CPNE3: variants seen among roughly 807,000 people sequenced by gnomAD.
CPNE3 encodes copine 3.
CPNE3 carries 68 observed loss-of-function variants against 63.9 expected under a neutral mutation model. The ratio of observed to expected loss-of-function variants is 1.06; its 90% CI spans 0.87 to 1.30. The LOEUF is 1.30. Ranked by LOEUF, CPNE3 falls within the 50% of genes most tolerant of loss-of-function variation. The pLI is 0.00. For missense variants in CPNE3, 665 were observed against 578.1 expected (o/e 1.15, Z -1.54); for synonymous variants, 219 against 197.5 (o/e 1.11, Z -0.91).
intron 4 of CPNE3, among the ~76,000 whole-genome samples, chr8:86,530,947 C>T (rs1173666871): frequency 6.6e-6 from 1 of 151,530 alleles, no homozygotes; most frequent in Non-Finnish European, 1.5e-5. Flanking sequence ...CCGCCTCAGC[C>T]TCCCAAAGTG....
At chr8:86,532,473 A>G in intron 5 of CPNE3, 36 bp from the exon 6 acceptor site, 1 of 1,540,820 alleles carries the variant, frequency 6.5e-7, no homozygotes, top group Non-Finnish European at 8.9e-7. Context: ...GAATTCCTAA[A>G]ACATATTTTC....
rs1290425110 is a variant in CPNE3 at position 86,558,553 on chromosome 8, T to C, written c.*143T>C. 1.5e-6 allele frequency: 1 copy of C among 667,962 alleles called. No individual in the cohort carries two copies. Among genetic ancestry groups the C allele is most frequent in the South Asian group, 2.0e-5 (1 of 51,094 alleles). 41.4% of individuals were successfully genotyped at this position (667,962 alleles called of 1,614,324 possible). A position where few individuals can be genotyped will look rare whatever the true frequency, so the allele number is the denominator to read the frequency against. ...CTATGGATTATATCTGTTTAAAGCATTCTTTCTAGGTTATTTTGGGGGGAC... is the reference window on the plus strand; with the variant it reads ...CTATGGATTATATCTGTTTAAAGCACTCTTTCTAGGTTATTTTGGGGGGAC... On this transcript the variant is annotated 3_prime_UTR_variant, in exon 17 of 17. Transcript: ENST00000517490.
intron 4 of CPNE3, among the ~76,000 whole-genome samples, chr8:86,530,752 T>C (rs949276175): frequency 2.0e-5 from 3 of 150,752 alleles, no homozygotes; most frequent in Non-Finnish European, 4.4e-5. Context: ...AGTGCAACAG[T>C]GCGATCTTGG....
intron 2 of CPNE3, 56 bp from the exon 3 acceptor site, chr8:86,528,480 G>C (rs536885862): frequency 3.8e-5 from 61 of 1,593,170 alleles, no homozygotes; most frequent in Non-Finnish European, 5.0e-5. Context: ...TTAGGAATGA[G>C]TGTGCTTCTT....
chr8:86,525,990 G>T (rs1260970993), intron 2 of CPNE3, among the ~76,000 whole-genome samples: 1 of 152,116 alleles, frequency 6.6e-6, no homozygotes, highest in East Asian at 1.9e-4. Flanking sequence ...AAATTTACTT[G>T]CATTATCTCC....
rs1821402957 is a variant in CPNE3, at chr8:86,559,959, G to C, written c.*1549G>C. On this transcript the variant is annotated 3_prime_UTR_variant, in exon 17 of 17. Transcript: ENST00000517490. Reference sequence around the variant, plus strand: ...GAGCTCTCAACCACAGATAGCTGTGGCTTCTCAGAAGCAGCTCATTGCCAA... The same window carrying C: ...GAGCTCTCAACCACAGATAGCTGTGCCTTCTCAGAAGCAGCTCATTGCCAA... 2 of 152,150 alleles carry C rather than the reference G, an allele frequency of 1.3e-5. No homozygotes were observed. Among genetic ancestry groups the C allele is most frequent in the African/African-American group, 2.4e-5 (1 of 41,422 alleles). The allele number at this position is 152,150 out of a possible 1,614,324, so 9.4% of individuals were successfully genotyped here.
intron 8 of CPNE3, among the ~76,000 whole-genome samples, chr8:86,540,725 C>G (rs1219535364): frequency 6.6e-6 from 1 of 152,166 alleles, no homozygotes; most frequent in Non-Finnish European, 1.5e-5. Context: ...CGTAAGAACT[C>G]AGAGCTTGCT....
chr8:86,519,197 G>C (rs1820379813), intron 2 of CPNE3, among the ~76,000 whole-genome samples: 1 of 152,220 alleles, frequency 6.6e-6, no homozygotes, highest in Admixed American at 6.5e-5. Flanking sequence ...GATTAGAAAA[G>C]TGGTAAAACC....
chr8:86,549,874 CA>C (rs1249119800), intron 12 of CPNE3, among the ~76,000 whole-genome samples: 4 of 152,188 alleles, frequency 2.6e-5, no homozygotes, highest in African/African-American at 9.6e-5. Context: ...CACTTCTACT[CA>C]CATCTCCATC....
In CPNE3 at chr8:86,532,552, A is replaced by T; in HGVS notation, c.431A>T (p.Glu144Val). ...AAAGATAATAGAGTGGTCTTGTTTG[A>T]AATGGAAGCCAGAAAACTGGATAAT... ...EIKDNRVVLF[E>V]MEARKLDNKD... Residue 144 changes from glutamate to valine, a missense_variant, in exon 6 of 17, where the codon GAA becomes GTA. By Grantham distance (121) the Glu-to-Val change is moderately radical. Transcript: ENST00000517490. The T allele has an allele frequency of 6.2e-7, 1 of 1,613,314 alleles. No homozygotes were observed. The highest frequency in any genetic ancestry group is 8.5e-7 in the Non-Finnish European group (1 of 1,179,612).
chr8:86,544,882 A>G (rs367663012), intron 9 of CPNE3, 44 bp downstream of exon 9: 3 of 1,211,264 alleles, frequency 2.5e-6, no homozygotes, highest in Non-Finnish European at 3.5e-6. Context: ...TAGTTTGGCT[A>G]TGTATTTATT....
At chr8:86,528,285 G>A (rs926426054) in intron 2 of CPNE3, among the ~76,000 whole-genome samples, 4 of 152,184 alleles carry the variant, frequency 2.6e-5, no homozygotes, top group South Asian at 4.2e-4. Context: ...CATCTTAAAA[G>A]CTGTATTTTA....
At chr8:86,516,273 G>A (rs2131412744) in intron 2 of CPNE3, among the ~76,000 whole-genome samples, 1 of 152,304 alleles carries the variant, frequency 6.6e-6, no homozygotes, top group Middle Eastern at 3.4e-3. Flanking sequence ...TAGGAAGGGA[G>A]AGGAGGCTCC....
chr8:86,557,379 ACTCGC>A (rs1362088580), intron 16 of CPNE3, among the ~76,000 whole-genome samples: 1 of 151,822 alleles, frequency 6.6e-6, no homozygotes, highest in Admixed American at 6.6e-5. Context: ...CAAGTGATCC[ACTCGC>A]CTCGGCCTCC....
chr8:86,543,060 A>G (rs536619949), intron 8 of CPNE3, among the ~76,000 whole-genome samples: 4 of 152,232 alleles, frequency 2.6e-5, no homozygotes, highest in Admixed American at 1.3e-4. Flanking sequence ...AAAACCATGA[A>G]CTTATTAAAA....
intron 12 of CPNE3, 71 bp from the exon 13 acceptor site, chr8:86,550,975 T>C: frequency 7.0e-7 from 1 of 1,430,528 alleles, no homozygotes; most frequent in East Asian, 2.5e-5. Flanking sequence ...ATATGGATTT[T>C]ATTGTGGGCA....
rs143209735 is a variant in CPNE3, at chr8:86,529,059, G to A, written c.247G>A (p.Asp83Asn). The A allele has an allele frequency of 6.0e-5, 97 of 1,613,924 alleles. No individual in the cohort carries two copies. Among genetic ancestry groups the A allele is most frequent in the African/African-American group, 5.7e-4 (43 of 75,008 alleles). The change falls in exon 4 of 17, where the codon GAC (aspartate) becomes AAC (asparagine). Residue 83 changes from aspartate (D) to asparagine (N), a missense_variant. Asp to Asn is a conservative substitution (Grantham distance 23, BLOSUM62 1). Transcript: ENST00000517490. Reference sequence around the variant, plus strand: ...ATTGAAATTTGGGGTTTATGACATCGACAACAAAACTATTGAGCTGAGTGA... The same window carrying A: ...ATTGAAATTTGGGGTTTATGACATCAACAACAAAACTATTGAGCTGAGTGA... ...QKLKFGVYDI[D>N]NKTIELSDDD...
intron 8 of CPNE3, 102 bp downstream of exon 8, chr8:86,540,436 T>C: frequency 2.0e-6 from 1 of 491,578 alleles, no homozygotes; most frequent in Non-Finnish European, 3.3e-6. Context: ...GTAAATGATG[T>C]AAGACACCTA....
At chr8:86,532,608 G>T (rs1554600669) in intron 6 of CPNE3, 28 bp downstream of exon 6, 1 of 1,573,916 alleles carries the variant, frequency 6.4e-7, no homozygotes, top group Non-Finnish European at 8.6e-7. Context: ...ATTTCAAAAA[G>T]GTTGTCATGT....
Sources: allele counts gnomAD v4.1 joint callset (sites outside exome capture counted in the v4.1 genomes callset), GRCh38; gene constraint gnomAD v4.1.1; transcripts MANE v1.5; gene names NCBI Gene and HGNC (gene_info 2026-07-23, HGNC 2026-07-21).